DCC: variants seen among roughly 807,000 people sequenced by gnomAD.
The protein encoded by DCC is netrin receptor DCC.
In DCC, 58 loss-of-function variants were observed where a neutral mutation model predicts 172.5. The ratio of observed to expected loss-of-function variants is 0.34; its 90% confidence interval spans 0.27 to 0.42. The LOEUF (loss-of-function observed/expected upper bound fraction) is 0.42. Among genes scored for constraint, DCC ranks in the 10% least tolerant of loss-of-function variants. The probability of loss-of-function intolerance (pLI) is 1.00; values close to 1 mark genes in which losing one functional copy is unlikely to be tolerated. For missense variants in DCC, 1,740 were observed against 1,791.0 expected, an observed-to-expected ratio of 0.97 and a Z score of 0.51; for synonymous variants, 709 against 644.5, an observed-to-expected ratio of 1.10 and a Z score of -1.52.
At chr18:53,476,540 T>C (rs938172273) in intron 25 of DCC, among the ~76,000 whole-genome samples, 12 of 152,210 alleles carry the variant, frequency 7.9e-5, no homozygotes, top group Non-Finnish European at 1.6e-4. Flanking sequence ...GAGATGTGCC[T>C]TTTCCCTTCT....
intron 1 of DCC, among the ~76,000 whole-genome samples, chr18:52,492,998 G>A (rs745492509): frequency 1.1e-4 from 16 of 152,072 alleles, no homozygotes; most frequent in Non-Finnish European, 2.2e-4. Context: ...CTATCCAGTG[G>A]CAATTGCAGA....
At chr18:52,773,116 A>G (rs530576547) in intron 2 of DCC, among the ~76,000 whole-genome samples, 2 of 152,342 alleles carry the variant, frequency 1.3e-5, no homozygotes, top group South Asian at 4.1e-4. Flanking sequence ...CAGCAACTGC[A>G]AATAACTTTG....
intron 12 of DCC, among the ~76,000 whole-genome samples, chr18:53,259,562 G>T (rs1307131907): frequency 1.3e-5 from 2 of 152,146 alleles, no homozygotes; most frequent in Non-Finnish European, 2.9e-5. Context: ...GGCTTGTAGA[G>T]TTTCTGCCAA....
intron 12 of DCC, among the ~76,000 whole-genome samples, chr18:53,231,467 A>G (rs2056120169): frequency 6.6e-6 from 1 of 152,172 alleles, no homozygotes; most frequent in African/African-American, 2.4e-5. Context: ...TGTCTGAACA[A>G]TGCAGCACAT....
intron 7 of DCC, among the ~76,000 whole-genome samples, chr18:53,090,910 C>T (rs927510083): frequency 2.0e-5 from 3 of 151,674 alleles, no homozygotes; most frequent in African/African-American, 7.3e-5. Context: ...ATTTTATACC[C>T]TTGTTCTATA....
Position 53,391,816 on chromosome 18 carries a change from C to G in DCC, c.2617C>G (p.Gln873Glu). Residue 873 changes from glutamine (Q) to glutamate (E), a missense_variant, in exon 17 of 29, where the codon CAA (glutamine) becomes GAA (glutamate). Gln to Glu is a conservative substitution (Grantham distance 29). Transcript: ENST00000442544. ...SWADNSVPKNQKTSEVRLYTV... is the reference protein window; with the variant it reads ...SWADNSVPKNEKTSEVRLYTV... The stretch of plus-strand genomic sequence containing the variant: ...GGCAGACAACTCTGTCCCTAAGAAC[C>G]AAAAGACGTCTGAGGTGCGACTTTA... 1 of 1,613,996 alleles carries G rather than the reference C, an allele frequency of 6.2e-7. No individual in the cohort carries two copies. Among genetic ancestry groups the G allele is most frequent in the Non-Finnish European group, 8.5e-7 (1 of 1,179,916 alleles).
At chr18:53,115,326 T>G (rs5020052) in intron 7 of DCC, among the ~76,000 whole-genome samples, 62,448 of 151,370 alleles carry the variant, frequency 0.41, 13,760 homozygotes, top group Non-Finnish European at 0.47. Flanking sequence ...CTAATATATT[T>G]TCATGGAGAC....
intron 12 of DCC, among the ~76,000 whole-genome samples, chr18:53,254,970 C>T (rs145897070): frequency 1.2e-3 from 180 of 152,050 alleles, no homozygotes; most frequent in East Asian, 0.011. Context: ...ACTTTAGAGC[C>T]CTGCCCTATT....
At chr18:52,608,371 A>G (rs145161322) in intron 1 of DCC, among the ~76,000 whole-genome samples, 283 of 152,298 alleles carry the variant, frequency 1.9e-3, no homozygotes, top group Middle Eastern at 3.4e-3. Flanking sequence ...AGAAGCAGAG[A>G]GAGGAGAGTT....
chr18:53,495,522 C>T (rs142556010), intron 26 of DCC, among the ~76,000 whole-genome samples: 3,775 of 152,156 alleles, frequency 0.025, 147 homozygotes, highest in African/African-American at 0.086. Context: ...GTGGGTAACC[C>T]GACCTTTCTC....
At chr18:53,036,859 T>C (rs538556827) in intron 5 of DCC, among the ~76,000 whole-genome samples, 8 of 152,134 alleles carry the variant, frequency 5.3e-5, no homozygotes, top group African/African-American at 1.9e-4. Context: ...ATGTGTTCTT[T>C]CAGGCATTGC....
At chr18:53,347,754 G>A (rs1285350467) in intron 15 of DCC, among the ~76,000 whole-genome samples, 3 of 152,116 alleles carry the variant, frequency 2.0e-5, no homozygotes, top group South Asian at 2.1e-4. Context: ...TATGGCAGAA[G>A]GCAAGGAGAA....
chr18:52,370,151 T>C (rs1985053999), intron 1 of DCC, among the ~76,000 whole-genome samples: 1 of 152,194 alleles, frequency 6.6e-6, no homozygotes, highest in Non-Finnish European at 1.5e-5. Context: ...TGGTATCTCA[T>C]TGTGGAAGAC....
At chr18:53,425,289 C>T (rs1034420060) in intron 21 of DCC, among the ~76,000 whole-genome samples, 2 of 151,458 alleles carry the variant, frequency 1.3e-5, no homozygotes, top group Admixed American at 6.6e-5. Context: ...AACTCTCACT[C>T]TTACACCCCA....
chr18:52,946,149 T>C (rs1023002423), intron 5 of DCC, among the ~76,000 whole-genome samples: 7 of 152,206 alleles, frequency 4.6e-5, no homozygotes, highest in Non-Finnish European at 1.5e-5. Flanking sequence ...TTAAACTCTG[T>C]GTCCACTGAA....
intron 27 of DCC, among the ~76,000 whole-genome samples, chr18:53,503,135 C>T (rs2046125015): frequency 6.6e-6 from 1 of 152,102 alleles, no homozygotes. Context: ...CAGAGCTATG[C>T]TTGCAGCAGT....
intron 2 of DCC, among the ~76,000 whole-genome samples, chr18:52,781,123 G>A (rs1320797752): frequency 6.6e-6 from 1 of 152,080 alleles, no homozygotes; most frequent in Non-Finnish European, 1.5e-5. Flanking sequence ...AATACAACTG[G>A]ACAAAAGGAT....
At chr18:53,122,639 C>T (rs964263072) in intron 7 of DCC, among the ~76,000 whole-genome samples, 3 of 151,906 alleles carry the variant, frequency 2.0e-5, no homozygotes, top group Non-Finnish European at 2.9e-5. Context: ...GCCATTATAC[C>T]GAAACTCTTA....
At chr18:53,064,160 G>C (rs1468368859) in intron 6 of DCC, among the ~76,000 whole-genome samples, 1 of 152,204 alleles carries the variant, frequency 6.6e-6, no homozygotes, top group Middle Eastern at 3.4e-3. Context: ...TAGGGATAGT[G>C]GTACTCTATT....
Sources: gnomAD v4.1 joint callset for allele counts (sites outside exome capture counted in the v4.1 genomes callset) on GRCh38, gnomAD v4.1.1 for gene constraint, MANE v1.5 for transcripts, NCBI Gene and HGNC (gene_info 2026-07-23, HGNC 2026-07-21) for gene names.